The following PCYT1A variants were observed in gnomAD, a reference collection of about 807,000 sequenced individuals.
The protein encoded by PCYT1A is phosphate cytidylyltransferase 1A, choline, also known as choline-phosphate cytidylyltransferase A.
Under a neutral mutation model 43.7 loss-of-function variants are expected in PCYT1A, and 25 were observed. That is an observed-to-expected ratio of 0.57 (90% CI 0.42 to 0.80). The LOEUF (loss-of-function observed/expected upper bound fraction) is 0.80, where lower values mean the gene tolerates loss of function less well. Among genes scored for constraint, PCYT1A ranks in the 30% least tolerant of loss-of-function variants. PCYT1A has a pLI of 0.00. For synonymous variants in PCYT1A, 172 were observed against 170.7 expected (o/e 1.01, Z -0.06); for missense variants, 421 against 474.2 (o/e 0.89, Z 1.04).
intron 5 of PCYT1A, among the ~76,000 whole-genome samples, chr3:196,245,253 T>C (rs1724525622): frequency 6.6e-6 from 1 of 151,930 alleles, no homozygotes; most frequent in Non-Finnish European, 1.5e-5. Context: ...GCGATTCTCC[T>C]GCCTCAGCCT....
chr3:196,272,727 C>T (rs1014359007), intron 1 of PCYT1A, among the ~76,000 whole-genome samples: 2 of 152,234 alleles, frequency 1.3e-5, no homozygotes, highest in African/African-American at 4.8e-5. Flanking sequence ...GATTCTCCTT[C>T]CCCCAAAGGA....
chr3:196,258,542 A>G (rs1211152179), intron 2 of PCYT1A, among the ~76,000 whole-genome samples: 1 of 151,724 alleles, frequency 6.6e-6, no homozygotes, highest in Non-Finnish European at 1.5e-5. Flanking sequence ...TTCTACATAT[A>G]ATATCATGTC....
In PCYT1A at chr3:196,242,643, G is replaced by GA; in HGVS notation, c.487-4dup. On this transcript the variant is annotated splice_polypyrimidine_tract_variant and splice_region_variant and intron_variant, in intron 5 of 8. Transcript: ENST00000431016. The surrounding 1 kb of genome is among the most constrained non-coding windows in gnomAD (Gnocchi z 4.2). ...TCATCATGGGCTACAAAATCAATCT[G>GA]AAAATAAGGAAACATCATTAAAACC... 6.3e-7 allele frequency: 1 copy of GA among 1,578,948 alleles called. No individual in the cohort carries two copies. Among genetic ancestry groups the GA allele is most frequent in the South Asian group, 1.1e-5 (1 of 90,370 alleles).
intron 4 of PCYT1A, 150 bp downstream of exon 4, chr3:196,248,057 G>A: frequency 1.5e-6 from 1 of 647,852 alleles, no homozygotes; most frequent in Non-Finnish European, 2.8e-6. Flanking sequence ...TTAGTTTGCT[G>A]GTACCCATAT....
At chr3:196,267,003 T>A (rs1725294150) in intron 2 of PCYT1A, among the ~76,000 whole-genome samples, 1 of 151,446 alleles carries the variant, frequency 6.6e-6, no homozygotes, top group African/African-American at 2.4e-5. Flanking sequence ...AAACCCCGTC[T>A]CTACCAAAAA....
intron 2 of PCYT1A, among the ~76,000 whole-genome samples, chr3:196,261,765 G>A (rs1346718006): frequency 6.6e-6 from 1 of 150,444 alleles, no homozygotes; most frequent in Non-Finnish European, 1.5e-5. Context: ...ACTCCAGCCT[G>A]GGCAGTGGAG....
chr3:196,245,134 A>ATTT (rs1204170057), intron 5 of PCYT1A, among the ~76,000 whole-genome samples: 2 of 149,392 alleles, frequency 1.3e-5, no homozygotes, highest in African/African-American at 2.5e-5. Flanking sequence ...AGGATCTATC[A>ATTT]TTTCACTACT....
At chr3:196,287,251 C>T in intron 1 of PCYT1A, 1 of 152,684 alleles carries the variant, frequency 6.5e-6, no homozygotes, top group Non-Finnish European at 1.5e-5. Context: ...GGTCGGAGTC[C>T]CCTCGCGGCC....
intron 1 of PCYT1A, among the ~76,000 whole-genome samples, chr3:196,286,035 T>C (rs1725902076): frequency 6.6e-6 from 1 of 150,576 alleles, no homozygotes; most frequent in Non-Finnish European, 1.5e-5. Context: ...TCACTGCCTC[T>C]ATAAATATCA....
At chr3:196,257,393 C>A (rs1323075319) in intron 3 of PCYT1A, among the ~76,000 whole-genome samples, 1 of 152,194 alleles carries the variant, frequency 6.6e-6, no homozygotes, top group Non-Finnish European at 1.5e-5. Flanking sequence ...TCGGCAGCAT[C>A]ATAGCCAGCT....
At chr3:196,265,696 G>A (rs1379177647) in intron 2 of PCYT1A, among the ~76,000 whole-genome samples, 2 of 151,942 alleles carry the variant, frequency 1.3e-5, no homozygotes, top group Non-Finnish European at 2.9e-5. Flanking sequence ...GCAGAGGTGG[G>A]CGGATAGCTT....
chr3:196,284,558 A>G (rs1164576228), intron 1 of PCYT1A, among the ~76,000 whole-genome samples: 2 of 152,220 alleles, frequency 1.3e-5, no homozygotes, highest in Non-Finnish European at 2.9e-5. Flanking sequence ...ACATCGGAGA[A>G]AGTCACCAGG....
chr3:196,249,884 G>A (rs1368881036), intron 3 of PCYT1A, among the ~76,000 whole-genome samples: 1 of 151,648 alleles, frequency 6.6e-6, no homozygotes, highest in African/African-American at 2.4e-5. Context: ...CTATGCTGAG[G>A]CTGAGGACCA....
chr3:196,276,341 C>T (rs1478145829), intron 1 of PCYT1A, among the ~76,000 whole-genome samples: 2 of 152,022 alleles, frequency 1.3e-5, no homozygotes, highest in Non-Finnish European at 2.9e-5. Flanking sequence ...CAATGGCTCA[C>T]GCCTGCAATC....
At chr3:196,272,267 C>A (rs750732923) in intron 1 of PCYT1A, among the ~76,000 whole-genome samples, 1 of 152,080 alleles carries the variant, frequency 6.6e-6, no homozygotes, top group Non-Finnish European at 1.5e-5. Flanking sequence ...TCACTACAAC[C>A]TCCGCCTCCC....
chr3:196,258,500 A>G (rs1725011564), intron 2 of PCYT1A, among the ~76,000 whole-genome samples: 1 of 151,998 alleles, frequency 6.6e-6, no homozygotes, highest in African/African-American at 2.4e-5. Flanking sequence ...CAGTTCTAGT[A>G]TCCGTTGTTG....
chr3:196,248,933 T>C (rs149362595), intron 3 of PCYT1A, among the ~76,000 whole-genome samples: 217 of 151,676 alleles, frequency 1.4e-3, no homozygotes, highest in African/African-American at 5.1e-3. Flanking sequence ...ATTTTTTGTA[T>C]TATTTTTTAG....
At chr3:196,278,474 G>A (rs1184407340) in intron 1 of PCYT1A, among the ~76,000 whole-genome samples, 1 of 152,152 alleles carries the variant, frequency 6.6e-6, no homozygotes, top group African/African-American at 2.4e-5. Flanking sequence ...AATGGGACTG[G>A]GAAATGATCG....
chr3:196,241,876 C>G (rs1724368601), intron 7 of PCYT1A, 72 bp downstream of exon 7: 1 of 1,556,100 alleles, frequency 6.4e-7, no homozygotes. Flanking sequence ...AAAGCCAGTT[C>G]AGCTGAGATG....
Sources: gnomAD v4.1 joint callset for allele counts (sites outside exome capture counted in the v4.1 genomes callset) on GRCh38, gnomAD v4.1.1 for gene constraint, Gnocchi (gnomAD v3.1) non-coding constraint, MANE v1.5 for transcripts, NCBI Gene and HGNC (gene_info 2026-07-23, HGNC 2026-07-21) for gene names.